The following NBPF15 variants were observed in gnomAD, a reference collection of about 807,000 sequenced individuals.
The protein encoded by NBPF15 is NBPF family member NBPF15.
A neutral mutation model predicts 62.2 loss-of-function variants in NBPF15; 74 were observed. The ratio of observed to expected loss-of-function variants is 1.19; its 90% CI spans 0.99 to 1.44. The LOEUF (loss-of-function observed/expected upper bound fraction) is 1.44. Ranked by LOEUF, NBPF15 falls within the 40% of genes most tolerant of loss-of-function variation. The pLI, the probability that NBPF15 is intolerant of heterozygous loss-of-function variation, is 0.00. For synonymous variants in NBPF15, 244 were observed against 209.7 expected (o/e 1.16, Z -1.41); for missense variants, 790 against 550.0 (o/e 1.44, Z -4.36).
At chr1:144,436,177 G>A (rs1415001014) in intron 10 of NBPF15, among the ~76,000 whole-genome samples, 2 of 152,076 alleles carry the variant, frequency 1.3e-5, no homozygotes, top group African/African-American at 2.4e-5. Context: ...CCCAGGCACA[G>A]GCTTGGTGTC....
At chr1:144,428,501 G>A (rs1205495832) in intron 15 of NBPF15, 105 bp downstream of exon 15, 22 of 830,518 alleles carry the variant, frequency 2.6e-5, no homozygotes, top group African/African-American at 2.6e-4. Flanking sequence ...ATTCAGACTT[G>A]TCTGACAAGA....
At chr1:144,448,538 A>G (rs1689152283) in intron 6 of NBPF15, among the ~76,000 whole-genome samples, 1 of 152,160 alleles carries the variant, frequency 6.6e-6, no homozygotes, top group South Asian at 2.1e-4. Flanking sequence ...ATATTTTGCA[A>G]TAAAACCTTA....
chr1:144,424,045 A>T, intron 20 of NBPF15, 70 bp from the exon 21 acceptor site: 1 of 759,516 alleles, frequency 1.3e-6, no homozygotes, highest in South Asian at 1.4e-5. Context: ...TCCACTGTCT[A>T]ATCCTCACAC....
At chr1:144,423,654 T>A (rs1425156973) in intron 21 of NBPF15, among the ~76,000 whole-genome samples, 2 of 152,138 alleles carry the variant, frequency 1.3e-5, no homozygotes, top group Non-Finnish European at 2.9e-5. Context: ...AGAGTACAGC[T>A]TTTGAAGTAT....
chr1:144,426,822 C>T (rs1670081881), intron 17 of NBPF15, among the ~76,000 whole-genome samples: 1 of 150,452 alleles, frequency 6.6e-6, no homozygotes, highest in Admixed American at 6.6e-5. Flanking sequence ...ATGCAGTTGC[C>T]ATACAGCCTT....
At chr1:144,446,302 A>T (rs1571150474) in intron 6 of NBPF15, among the ~76,000 whole-genome samples, 1 of 146,886 alleles carries the variant, frequency 6.8e-6, no homozygotes, top group Admixed American at 6.6e-5. Flanking sequence ...ACACTACTAA[A>T]CTCACTGATT....
chr1:144,461,246 T>G (rs1652774389), intron 1 of NBPF15, 135 bp downstream of exon 1: 2 of 152,058 alleles, frequency 1.3e-5, no homozygotes, highest in African/African-American at 2.4e-5. Context: ...ATCCAACGCA[T>G]GGAACTTAAG....
chr1:144,444,986 G>A (rs1329352554), intron 6 of NBPF15, among the ~76,000 whole-genome samples: 2 of 151,490 alleles, frequency 1.3e-5, no homozygotes, highest in Non-Finnish European at 2.9e-5. Flanking sequence ...ATTCCTACAA[G>A]TATAAGACTT....
At chr1:144,449,671 C>T (rs1689889845) in intron 5 of NBPF15, among the ~76,000 whole-genome samples, 1 of 151,836 alleles carries the variant, frequency 6.6e-6, no homozygotes. Context: ...AGGGTCAGTC[C>T]CAGGCTGTGG....
At chr1:144,450,205 T>G (rs1690203903) in intron 5 of NBPF15, among the ~76,000 whole-genome samples, 1 of 125,960 alleles carries the variant, frequency 7.9e-6, no homozygotes, top group Non-Finnish European at 1.6e-5. Context: ...GCCAGTTATA[T>G]GACTTTAAGA....
rs782350345 is a variant in NBPF15, at chr1:144,423,135, C to A, written c.1891G>T (p.Val631Leu). The A allele has an allele frequency of 6.8e-6, 11 of 1,611,476 alleles. No homozygotes were observed. In the East Asian group the frequency reaches 2.0e-4, roughly 29 times the overall value. Residue 631 changes from valine to leucine, a missense_variant, in exon 22 of 22, where the codon GTG becomes TTG. Physicochemically the swap from Val to Leu is conservative, Grantham distance 32. Transcript: ENST00000581897. ...QPDSFQHYRSVFYSFEEEHIS... is the reference protein window; with the variant it reads ...QPDSFQHYRSLFYSFEEEHIS... ...TGCTCTTCCTCAAATGAGTAAAACA[C>A]ACTTCTGTAGTGCTGGAATGAGTCA... is the stretch of plus-strand genomic sequence containing the variant.
At chr1:144,433,043 A>T (rs1434514726) in intron 13 of NBPF15, among the ~76,000 whole-genome samples, 4 of 151,496 alleles carry the variant, frequency 2.6e-5, no homozygotes. Flanking sequence ...AAAATTGACC[A>T]CATAGTTGGA....
chr1:144,428,483 T>C (rs1198196035), intron 15 of NBPF15, 123 bp downstream of exon 15: 5 of 874,912 alleles, frequency 5.7e-6, no homozygotes, highest in South Asian at 4.0e-5. Flanking sequence ...AGCAATGTAG[T>C]AGGCATAATT....
intron 6 of NBPF15, among the ~76,000 whole-genome samples, chr1:144,446,479 G>A (rs1392856018): frequency 6.6e-6 from 1 of 152,296 alleles, no homozygotes; most frequent in African/African-American, 2.4e-5. Flanking sequence ...AGTAACAACA[G>A]GTATTCTACT....
In NBPF15 at chr1:144,424,423, G is replaced by A. The variant is rs1316856636; in HGVS notation, c.1663+267C>T. ...GTCAAAATCATAGTTCTCTGAATTT[G>A]TCACATCTGCCCAGGTCCAATGTCA... On this transcript the variant is annotated intron_variant, in intron 20 of 21. Coordinates refer to ENST00000581897, the MANE Select transcript of NBPF15 (RefSeq NM_001385408.1). 4.6e-5 allele frequency among the ~76,000 whole-genome samples: 7 copies of A among 151,904 alleles called. No individual in the cohort carries two copies. In the South Asian group the frequency reaches 8.3e-4, roughly 18 times the overall value.
intron 4 of NBPF15, among the ~76,000 whole-genome samples, chr1:144,456,274 G>C (rs1647687803): frequency 6.6e-6 from 1 of 151,910 alleles, no homozygotes; most frequent in African/African-American, 2.4e-5. Flanking sequence ...TGCAGATCTA[G>C]CTACTAAGGA....
At chr1:144,456,362 G>A (rs1553546986) in intron 4 of NBPF15, among the ~76,000 whole-genome samples, 175 bp downstream of exon 4, 1 of 152,002 alleles carries the variant, frequency 6.6e-6, no homozygotes, top group African/African-American at 2.4e-5. Flanking sequence ...GTCGAGGGTG[G>A]CACACGCTGT....
Position 144,439,862 on chromosome 1 carries a change from C to T in NBPF15, c.142G>A (p.Ala48Thr), listed in dbSNP as rs1441876280. 3.5e-5 allele frequency: 57 copies of T among 1,609,344 alleles called. No individual in the cohort carries two copies. In the South Asian group the frequency reaches 5.1e-4, roughly 14 times the overall value. ...TTCTGTCGGTTGGCCAGGAAGCCGG[C>T]CAGTTGAGTTAGAAAACATTTCTCT... ...LKEKCFLTQL[A>T]GFLANRQKKY... The change falls in exon 8 of 22, where the codon GCC becomes ACC. Residue 48 changes from alanine to threonine, a missense_variant. Physicochemically the swap from Ala to Thr is moderately conservative, Grantham distance 58. Transcript: ENST00000581897.
At chr1:144,445,148 T>C (rs1553543662) in intron 6 of NBPF15, among the ~76,000 whole-genome samples, 2 of 151,282 alleles carry the variant, frequency 1.3e-5, no homozygotes, top group African/African-American at 4.9e-5. Flanking sequence ...TAACTGACCA[T>C]TCATGTATCT....
Sources: allele counts gnomAD v4.1 joint callset (sites outside exome capture counted in the v4.1 genomes callset), GRCh38; gene constraint gnomAD v4.1.1; transcripts MANE v1.5; gene names NCBI Gene and HGNC (gene_info 2026-07-23, HGNC 2026-07-21).